RELT: variants seen among roughly 807,000 people sequenced by gnomAD.
RELT encodes the protein RELT TNF receptor, also known as tumor necrosis factor receptor superfamily member 19L.
Under a neutral mutation model 51.1 loss-of-function variants are expected in RELT, and 37 were observed. The observed-to-expected ratio is 0.72, with a 90% CI of 0.56 to 0.95. The LOEUF is 0.95. Among genes scored for constraint, RELT ranks in the 40% least tolerant of loss-of-function variants. The probability of loss-of-function intolerance (pLI) is 0.00; values close to 1 mark genes in which losing one functional copy is unlikely to be tolerated. For missense variants in RELT, 535 were observed against 572.6 expected (o/e 0.93, Z 0.67); for synonymous variants, 241 against 235.7 (o/e 1.02, Z -0.21).
intron 1 of RELT, among the ~76,000 whole-genome samples, chr11:73,380,858 C>G (rs1056142010): frequency 2.6e-5 from 4 of 152,188 alleles, no homozygotes; most frequent in Non-Finnish European, 5.9e-5. Context: ...GGGATGTGGT[C>G]TCTGGACAGG....
At chr11:73,390,523 C>G in intron 2 of RELT, 28 bp from the exon 3 acceptor site, 1 of 1,607,042 alleles carries the variant, frequency 6.2e-7, no homozygotes, top group African/African-American at 1.3e-5. Context: ...GCACTTTCTG[C>G]CTCTTTCAAT....
chr11:73,391,154 C>T lies in RELT; in HGVS notation c.298C>T (p.Pro100Ser). ...CGDCWPGWFG[P>S]WGVPRVPCQP... ...CTTCCCTCCTCGCAGGTGGTTTGGG[C>T]CTTGGGGGGTTCCCCGCGTTCCATG... is the stretch of plus-strand genomic sequence containing the variant. The change falls in exon 5 of 11, where the codon CCT becomes TCT. Residue 100 changes from proline (P) to serine (S), a missense_variant. By Grantham distance (74) the Pro-to-Ser change is moderately conservative. Transcript: ENST00000064780. 1.2e-6 allele frequency: 2 copies of T among 1,613,672 alleles called. No homozygotes were observed. The highest frequency in any genetic ancestry group is 1.7e-6 in the Non-Finnish European group (2 of 1,179,802).
chr11:73,377,245 G>A (rs949958401), intron 1 of RELT, among the ~76,000 whole-genome samples: 1 of 143,890 alleles, frequency 6.9e-6, no homozygotes, highest in Admixed American at 6.7e-5. Context: ...GCGCCATGGT[G>A]TGCGTGTGGG....
rs1866284763 is a variant in RELT at position 73,394,805 on chromosome 11, G to A, written c.1046+71G>A. 2 of 1,549,380 alleles carry A rather than the reference G, an allele frequency of 1.3e-6. No individual in the cohort carries two copies. Among genetic ancestry groups the A allele is most frequent in the Non-Finnish European group, 1.7e-6 (2 of 1,148,374 alleles). ...CCTGGGGGCCGGGAGGGGGAGGCAG[G>A]GCCCCAGCTTGGGCCCTGAGCACCC... On this transcript the variant is annotated intron_variant, in intron 9 of 10. Coordinates refer to ENST00000064780, the MANE Select transcript of RELT (RefSeq NM_152222.2). The surrounding 1 kb of genome is among the most constrained non-coding windows in gnomAD (Gnocchi z 4.9).
At position 73,395,184 on chromosome 11, in the gene RELT, G is replaced by C. The variant is rs1256158030; in HGVS notation, c.1144G>C (p.Asp382His). 2 of 1,613,250 alleles carry C rather than the reference G, an allele frequency of 1.2e-6. No homozygotes were observed. The highest frequency in any genetic ancestry group is 2.2e-5 in the South Asian group (2 of 91,086). The change falls in exon 10 of 11, where the codon GAC becomes CAC. Residue 382 changes from aspartate (D) to histidine (H), a missense_variant. By Grantham distance (81) the Asp-to-His change is moderately conservative. Transcript: ENST00000064780. The stretch of plus-strand genomic sequence containing the variant: ...TGGGCCCTCGTGGGGTGATCTCCCT[G>C]ACTCCCCACAGCCTGGCCTCCCCCC... ...EAGPSWGDLPDSPQPGLPPEQ... is the reference protein window; with the variant it reads ...EAGPSWGDLPHSPQPGLPPEQ...
Position 73,393,859 on chromosome 11 carries a change from T to C in RELT, c.648T>C (p.Thr216=), listed in dbSNP as rs755992424. ...GGSGINPAYR[T]EDANEDTIGV... ...CAGGAATCAACCCTGCCTACCGGAC[T>C]GAGGATGCCAATGAGGACACCATTG... The change falls in exon 7 of 11, where the codon ACT becomes ACC. Residue 216 remains threonine, a synonymous_variant. Transcript: ENST00000064780. 2.5e-5 allele frequency: 41 copies of C among 1,613,970 alleles called. No individual in the cohort carries two copies. Among genetic ancestry groups the C allele is most frequent in the Non-Finnish European group, 3.5e-5 (41 of 1,179,984 alleles).
In RELT at chr11:73,388,640, C is replaced by T. The variant is rs1468221723; in HGVS notation, c.-25-472C>T. The stretch of plus-strand genomic sequence containing the variant: ...GGACCAGAACCAGCAGGAGTGAAGG[C>T]AGAGGCCGGGCATGCTTGCAGACCT... On this transcript the variant is annotated intron_variant, in intron 1 of 10. Transcript: ENST00000064780. This position sits in a 1 kb window ranked among gnomAD's most constrained non-coding sequence, Gnocchi z 4.1. Among the ~76,000 whole-genome samples, 1 of 152,224 alleles carries T rather than the reference C, an allele frequency of 6.6e-6. No homozygotes were observed. Among genetic ancestry groups the T allele is most frequent in the Non-Finnish European group, 1.5e-5 (1 of 68,036 alleles).
At position 73,394,407 on chromosome 11, in the gene RELT, AC is replaced by A; in HGVS notation, c.789-67del. The A allele has an allele frequency of 6.2e-7, 1 of 1,608,710 alleles. No homozygotes were observed. Among genetic ancestry groups the A allele is most frequent in the Non-Finnish European group, 8.5e-7 (1 of 1,176,240 alleles). Reference sequence around the variant, plus strand: ...CTCCCACTTGGGTCTCCCTCAAGTCACCCTGTTCCCTGCTGGGGTCTCCTGC... The same window carrying A: ...CTCCCACTTGGGTCTCCCTCAAGTCACCTGTTCCCTGCTGGGGTCTCCTGC... On this transcript the variant is annotated intron_variant, in intron 8 of 10. Coordinates refer to ENST00000064780, the MANE Select transcript of RELT (RefSeq NM_152222.2). The surrounding 1 kb of genome is among the most constrained non-coding windows in gnomAD (Gnocchi z 4.9).
chr11:73,378,382 T>C (rs924697544), intron 1 of RELT, among the ~76,000 whole-genome samples: 10 of 152,212 alleles, frequency 6.6e-5, no homozygotes, highest in African/African-American at 2.4e-4. Context: ...TTCTGAACAC[T>C]TCATGGTGTT....
At chr11:73,382,143 C>T (rs952410400) in intron 1 of RELT, among the ~76,000 whole-genome samples, 2 of 152,216 alleles carry the variant, frequency 1.3e-5, no homozygotes, top group African/African-American at 4.8e-5. Context: ...TTGTCTCCTC[C>T]CTGCTCCACC....
intron 10 of RELT, 23 bp downstream of exon 10, chr11:73,395,308 T>C: frequency 6.2e-7 from 1 of 1,611,524 alleles, no homozygotes; most frequent in Non-Finnish European, 8.5e-7. Flanking sequence ...GAGAAAGGCA[T>C]CTGTTGGCAC....
At chr11:73,386,267 TCTC>T (rs1866122244) in intron 1 of RELT, among the ~76,000 whole-genome samples, 2 of 152,122 alleles carry the variant, frequency 1.3e-5, no homozygotes, top group South Asian at 4.1e-4. Context: ...TGGGTGTGGC[TCTC>T]CTCTGTCAGG....
intron 1 of RELT, among the ~76,000 whole-genome samples, chr11:73,377,249 G>T (rs890749554): frequency 2.2e-5 from 3 of 135,732 alleles, no homozygotes; most frequent in African/African-American, 1.0e-4. Context: ...CATGGTGTGC[G>T]TGTGGGGTCA....
chr11:73,390,558 C>G lies in RELT; in HGVS notation c.53C>G (p.Pro18Arg), dbSNP rs146619078. 2 of 1,613,904 alleles carry G rather than the reference C, an allele frequency of 1.2e-6. No individual in the cohort carries two copies. The highest frequency in any genetic ancestry group is 2.7e-5 in the African/African-American group (2 of 74,904). The change falls in exon 3 of 11, where the codon CCC becomes CGC. Residue 18 changes from proline to arginine, a missense_variant. By Grantham distance (103) the Pro-to-Arg change is moderately radical (BLOSUM62 -2). Coordinates refer to ENST00000064780, the MANE Select transcript of RELT (RefSeq NM_152222.2). ...RPLSCFLMLL[P>R]WPLATLTSTT... ...TGCCTACTGTTCTTCTAGCTGCTGC[C>G]CTGGCCTCTCGCCACCCTGACATCA...
Position 73,395,463 on chromosome 11 carries a change from G to C in RELT, c.1265G>C (p.Arg422Pro), listed in dbSNP as rs762816338. 1 of 819,882 alleles carries C rather than the reference G, an allele frequency of 1.2e-6. No individual in the cohort carries two copies. 50.8% of individuals were successfully genotyped at this position (819,882 alleles called of 1,614,324 possible). The change falls in exon 11 of 11, where the codon CGG (arginine) becomes CCG (proline). Residue 422 changes from arginine to proline, a missense_variant. Transcript: ENST00000064780. ...CACCAGGAGAACCGCTATGTGGTCC[G>C]GCTAAGTGAGAGCAACCTGGTCATC... ...NKAEENRYVV[R>P]LSESNLVI
chr11:73,394,201 G>A lies in RELT; in HGVS notation c.707-35G>A. The A allele has an allele frequency of 1.3e-6, 2 of 1,561,870 alleles. No individual in the cohort carries two copies. The highest frequency in any genetic ancestry group is 1.7e-6 in the Non-Finnish European group (2 of 1,150,278). On this transcript the variant is annotated intron_variant, in intron 7 of 10. Transcript: ENST00000064780. This position sits in a 1 kb window ranked among gnomAD's most constrained non-coding sequence, Gnocchi z 4.9. Reference sequence around the variant, plus strand: ...AGGGGGTGGGAGGTGTGTCCCATATGGCCACAGTGAGGGTCTGACTGCAGC... The same window carrying A: ...AGGGGGTGGGAGGTGTGTCCCATATAGCCACAGTGAGGGTCTGACTGCAGC...
At position 73,390,816 on chromosome 11, in the gene RELT, G is replaced by C. The variant is rs760857700; in HGVS notation, c.182G>C (p.Gly61Ala). Residue 61 changes from glycine (G) to alanine (A), a missense_variant, in exon 4 of 11, where the codon GGC (glycine) becomes GCC (alanine). Coordinates refer to ENST00000064780, the MANE Select transcript of RELT (RefSeq NM_152222.2). ...CCAGGCACCTTCTCAGCTGCATGGG[G>C]CTCCAGCCCATGCCAGCCCCATGCC... Reference protein sequence around the residue: ...CPPGTFSAAWGSSPCQPHARC... With the variant: ...CPPGTFSAAWASSPCQPHARC... 3.1e-6 allele frequency: 5 copies of C among 1,612,424 alleles called. No homozygotes were observed. The highest frequency in any genetic ancestry group is 3.4e-5 in the Admixed American group (2 of 59,646).
rs1013357986 is a variant in RELT at position 73,393,661 on chromosome 11, T to C, written c.626-176T>C. ...CTGGTGTTGAATCATGAAGGTGATA[T>C]GGGCTTCTCTGAGCCTGGATCCCAC... On this transcript the variant is annotated intron_variant, in intron 6 of 10. Transcript: ENST00000064780. The C allele has an allele frequency of 8.3e-6, 13 of 1,571,948 alleles. No homozygotes were observed. In the African/African-American group the frequency reaches 1.1e-4, roughly 13 times the overall value.
intron 1 of RELT, among the ~76,000 whole-genome samples, chr11:73,378,080 G>A (rs2134435362): frequency 6.6e-6 from 1 of 152,334 alleles, no homozygotes; most frequent in South Asian, 2.1e-4. Flanking sequence ...TTGGGGGAGA[G>A]TGGGGAGAGA....
Sources: allele counts gnomAD v4.1 joint callset (sites outside exome capture counted in the v4.1 genomes callset), GRCh38; gene constraint gnomAD v4.1.1; non-coding constraint Gnocchi (gnomAD v3.1); transcripts MANE v1.5; gene names NCBI Gene and HGNC (gene_info 2026-07-23, HGNC 2026-07-21).